CCBE1: variants seen among roughly 807,000 people sequenced by gnomAD.
CCBE1 encodes collagen and calcium-binding EGF domain-containing protein 1.
A neutral mutation model predicts 50.0 loss-of-function variants in CCBE1; 37 were observed. The observed-to-expected ratio is 0.74, with a 90% CI of 0.57 to 0.97. The LOEUF (loss-of-function observed/expected upper bound fraction) is 0.97. Ranked by LOEUF, CCBE1 falls within the 50% of genes least tolerant of loss-of-function variation. CCBE1 has a pLI of 0.00. For missense variants in CCBE1, 538 were observed against 523.8 expected (o/e 1.03, Z -0.26); for synonymous variants, 234 against 203.7 (o/e 1.15, Z -1.27).
chr18:59,630,377 C>T (rs1365122572), intron 2 of CCBE1, among the ~76,000 whole-genome samples: 4 of 151,986 alleles, frequency 2.6e-5, no homozygotes, highest in African/African-American at 7.3e-5. Flanking sequence ...TTGGTCTTTA[C>T]TTTCTCATTA....
At chr18:59,569,068 G>C (rs2052869690) in intron 2 of CCBE1, among the ~76,000 whole-genome samples, 1 of 152,094 alleles carries the variant, frequency 6.6e-6, no homozygotes, top group Non-Finnish European at 1.5e-5. Context: ...GTGCATCTCG[G>C]GTTATCTCCA....
At chr18:59,579,061 G>C (rs2564486) in intron 2 of CCBE1, among the ~76,000 whole-genome samples, 3 of 151,986 alleles carry the variant, frequency 2.0e-5, no homozygotes, top group African/African-American at 7.3e-5. Flanking sequence ...TTCAGCCCCA[G>C]TGAAGTCTAA....
chr18:59,612,824 TTGTTTTTTTTTGTTTTTGTTTTTG>T (rs1369723792), intron 2 of CCBE1, among the ~76,000 whole-genome samples: 6 of 100,896 alleles, frequency 5.9e-5, no homozygotes, highest in South Asian at 3.8e-4. Context: ...GGTTTTTTTT[TTGTTTTTTTTTGTTTTTGTTTTTG>T]TTTTTTTTAA....
intron 2 of CCBE1, among the ~76,000 whole-genome samples, chr18:59,529,878 C>T (rs1450202014): frequency 6.6e-6 from 1 of 152,172 alleles, no homozygotes; most frequent in African/African-American, 2.4e-5. Flanking sequence ...TTGGAAAAAA[C>T]TGTGCTCTCA....
intron 7 of CCBE1, 27 bp from the exon 8 acceptor site, chr18:59,439,843 T>C: frequency 1.2e-6 from 2 of 1,612,132 alleles, no homozygotes; most frequent in Admixed American, 1.7e-5. Context: ...CCTCATTAGC[T>C]CACAGCACAT....
chr18:59,680,500 C>T (rs531285604), intron 2 of CCBE1, among the ~76,000 whole-genome samples: 26 of 151,860 alleles, frequency 1.7e-4, no homozygotes, highest in Non-Finnish European at 2.8e-4. Flanking sequence ...AGATCAAGAC[C>T]ATGCTGGCTA....
intron 6 of CCBE1, among the ~76,000 whole-genome samples, chr18:59,450,378 T>C (rs771667011): frequency 6.6e-6 from 1 of 152,190 alleles, no homozygotes; most frequent in African/African-American, 2.4e-5. Context: ...GTATTAATGT[T>C]GTCGTTTTTT....
chr18:59,563,691 AG>A lies in CCBE1; in HGVS notation c.213-83454del, dbSNP rs2052776431. On this transcript the variant is annotated intron_variant, in intron 2 of 10. Coordinates refer to ENST00000439986, the MANE Select transcript of CCBE1 (RefSeq NM_133459.4). The stretch of plus-strand genomic sequence containing the variant: ...GCAACACAGAATTCTCATGCCACTG[AG>A]GTCATAAAAGATGATCAGAAGCCAG... 3 of 152,332 alleles carry A rather than the reference AG, an allele frequency of 2.0e-5. No individual in the cohort carries two copies. The South Asian group carries it at 6.2e-4, about 32-fold the overall frequency. The allele number at this position is 152,332 out of a possible 1,614,324, so 9.4% of individuals were successfully genotyped here.
intron 2 of CCBE1, among the ~76,000 whole-genome samples, chr18:59,662,669 G>C (rs894786045): frequency 6.6e-6 from 1 of 152,266 alleles, no homozygotes; most frequent in African/African-American, 2.4e-5. Flanking sequence ...GGGAGACCAT[G>C]AGAGCTAAGC....
chr18:59,499,880 AG>A (rs1913534606), intron 2 of CCBE1, among the ~76,000 whole-genome samples: 1 of 152,306 alleles, frequency 6.6e-6, no homozygotes, highest in Admixed American at 6.5e-5. Context: ...GTGAACAAGA[AG>A]GGTCTTCCAA....
chr18:59,491,219 A>G (rs1913081496), intron 2 of CCBE1, among the ~76,000 whole-genome samples: 1 of 152,220 alleles, frequency 6.6e-6, no homozygotes, highest in Admixed American at 6.5e-5. Flanking sequence ...AAAATTGTTC[A>G]CCATGGTTAC....
intron 2 of CCBE1, among the ~76,000 whole-genome samples, chr18:59,653,101 A>T (rs1379883085): frequency 6.6e-6 from 1 of 152,172 alleles, no homozygotes; most frequent in East Asian, 1.9e-4. Context: ...CTCACTTACC[A>T]TGTTCCAAAA....
chr18:59,540,809 C>T (rs1027585814), intron 2 of CCBE1, among the ~76,000 whole-genome samples: 14 of 152,114 alleles, frequency 9.2e-5, no homozygotes, highest in African/African-American at 2.4e-4. Flanking sequence ...ATTACAGAAC[C>T]GGTAAACCCT....
intron 2 of CCBE1, among the ~76,000 whole-genome samples, chr18:59,485,958 C>G (rs1314509592): frequency 6.6e-6 from 1 of 151,076 alleles, no homozygotes; most frequent in Non-Finnish European, 1.5e-5. Context: ...TTTGAGAGTT[C>G]TTGGTGTTAA....
intron 2 of CCBE1, among the ~76,000 whole-genome samples, chr18:59,485,590 A>AT: frequency 6.8e-6 from 1 of 146,684 alleles, no homozygotes; most frequent in Admixed American, 6.8e-5. Flanking sequence ...TCAGATATTT[A>AT]TTTATTTATT....
At chr18:59,508,093 G>C (rs370418744) in intron 2 of CCBE1, among the ~76,000 whole-genome samples, 1 of 151,630 alleles carries the variant, frequency 6.6e-6, no homozygotes, top group Non-Finnish European at 1.5e-5. Context: ...GGGTTTCACC[G>C]TGTCGGCCAG....
intron 5 of CCBE1, among the ~76,000 whole-genome samples, chr18:59,466,514 A>G (rs1210934957): frequency 6.6e-6 from 1 of 152,084 alleles, no homozygotes; most frequent in Non-Finnish European, 1.5e-5. Context: ...ACGAACTTAT[A>G]CAATAAATAA....
chr18:59,554,296 T>G (rs1189455380), intron 2 of CCBE1, among the ~76,000 whole-genome samples: 2 of 152,144 alleles, frequency 1.3e-5, no homozygotes, highest in Non-Finnish European at 2.9e-5. Context: ...AGAGCATACT[T>G]CTGTCCAGGT....
At chr18:59,616,219 G>A (rs2053634555) in intron 2 of CCBE1, among the ~76,000 whole-genome samples, 1 of 152,136 alleles carries the variant, frequency 6.6e-6, no homozygotes, top group Non-Finnish European at 1.5e-5. Flanking sequence ...CAGAGTGGGG[G>A]AGAGAGATCA....
Sources: gnomAD v4.1 joint callset for allele counts (sites outside exome capture counted in the v4.1 genomes callset) on GRCh38, gnomAD v4.1.1 for gene constraint, MANE v1.5 for transcripts, NCBI Gene and HGNC (gene_info 2026-07-23, HGNC 2026-07-21) for gene names.